The following PTBP3 variants were observed in gnomAD, a reference collection of about 807,000 sequenced individuals.
PTBP3 encodes polypyrimidine tract binding protein 3.
A neutral mutation model predicts 58.7 loss-of-function variants in PTBP3; 20 were observed. The observed-to-expected ratio is 0.34, with a 90% CI of 0.24 to 0.50. PTBP3 has a LOEUF of 0.50. Among genes scored for constraint, PTBP3 ranks in the 20% least tolerant of loss-of-function variants. The pLI is 0.98. For synonymous variants in PTBP3, 185 were observed against 219.8 expected, an observed-to-expected ratio of 0.84 and a Z score of 1.40; for missense variants, 509 against 637.2, an observed-to-expected ratio of 0.80 and a Z score of 2.17.
At chr9:112,300,708 C>T (rs984173044) in intron 1 of PTBP3, among the ~76,000 whole-genome samples, 2 of 151,950 alleles carry the variant, frequency 1.3e-5, no homozygotes, top group Non-Finnish European at 2.9e-5. Flanking sequence ...GCCGAGATCA[C>T]GCCACTGCAC....
At chr9:112,225,602 T>TA (rs1435851595) in intron 12 of PTBP3, among the ~76,000 whole-genome samples, 5 of 152,200 alleles carry the variant, frequency 3.3e-5, no homozygotes, top group Non-Finnish European at 7.3e-5. Flanking sequence ...ACAGTTTTTT[T>TA]AAAAAAGGTT....
chr9:112,220,283 G>C lies in PTBP3; in HGVS notation c.*3568C>G, dbSNP rs188130717. ...GCACGGAGACACTGAAAAGAACAGA[G>C]AGCCAGGCGTGGTGGCTCATGCCTG... On this transcript the variant is annotated 3_prime_UTR_variant, in exon 14 of 14. Transcript: ENST00000374257. 267 of 1,326,778 alleles carry C rather than the reference G, an allele frequency of 2.0e-4. 1 individual carries two copies. The African/African-American group carries it at 3.4e-3, about 17-fold the overall frequency. 82.2% of individuals were successfully genotyped at this position (1,326,778 alleles called of 1,614,324 possible). A position where few individuals can be genotyped will look rare whatever the true frequency, so the allele number is the denominator to read the frequency against.
upstream of PTBP3, among the ~76,000 whole-genome samples, chr9:112,336,598 A>G (rs976301462): frequency 2.6e-5 from 4 of 152,036 alleles, no homozygotes; most frequent in African/African-American, 7.2e-5. Context: ...CCTGGGCAAC[A>G]TGGTGAAACC....
chr9:112,304,353 A>C (rs1290337370), intron 1 of PTBP3, among the ~76,000 whole-genome samples: 1 of 152,168 alleles, frequency 6.6e-6, no homozygotes, highest in South Asian at 2.1e-4. Flanking sequence ...AAAAAAGGAA[A>C]AATTTTCACT....
the PTBP3 span, among the ~76,000 whole-genome samples, chr9:112,351,964 C>T: frequency 3.3e-3 from 496 of 148,932 alleles, no homozygotes; most frequent in African/African-American, 0.011. Context: ...TTTTTTTTTT[C>T]CCCCAAGACA....
At chr9:112,242,046 T>C (rs565338290) in intron 7 of PTBP3, among the ~76,000 whole-genome samples, 54 of 152,364 alleles carry the variant, frequency 3.5e-4, no homozygotes, top group South Asian at 4.1e-4. Flanking sequence ...AGAATACTTC[T>C]AGATTTTGGC....
upstream of PTBP3, among the ~76,000 whole-genome samples, chr9:112,335,431 G>GC (rs1195491559): frequency 6.6e-6 from 1 of 151,076 alleles, no homozygotes; most frequent in East Asian, 2.0e-4. Flanking sequence ...GATTACAGGC[G>GC]CCCGCCACCA....
intron 2 of PTBP3, among the ~76,000 whole-genome samples, chr9:112,290,786 G>C (rs557185954): frequency 2.7e-5 from 4 of 149,692 alleles, no homozygotes; most frequent in Non-Finnish European, 4.4e-5. Flanking sequence ...CATATTTCTG[G>C]TAAGAGTATA....
At chr9:112,265,262 G>C (rs1836751232) in intron 4 of PTBP3, among the ~76,000 whole-genome samples, 1 of 152,044 alleles carries the variant, frequency 6.6e-6, no homozygotes, top group Non-Finnish European at 1.5e-5. Flanking sequence ...TAGCACTTTG[G>C]GAGACAGAGG....
chr9:112,305,512 A>G (rs1232272202), intron 1 of PTBP3, among the ~76,000 whole-genome samples: 1 of 152,182 alleles, frequency 6.6e-6, no homozygotes, highest in Non-Finnish European at 1.5e-5. Flanking sequence ...CTCCTTGCCT[A>G]CTGCCACACA....
chr9:112,222,054 C>T lies in PTBP3; in HGVS notation c.*1797G>A. On this transcript the variant is annotated 3_prime_UTR_variant, in exon 14 of 14. Coordinates refer to ENST00000374257, the MANE Select transcript of PTBP3 (RefSeq NM_001163788.4). ...TGTAGCCTCCTGCCTACAGGCTCAG[C>T]CTGTAGCTGGGACTACAGGCGCACA... 1 of 965,374 alleles carries T rather than the reference C, an allele frequency of 1.0e-6. No homozygotes were observed. Among genetic ancestry groups the T allele is most frequent in the Non-Finnish European group, 1.2e-6 (1 of 811,398 alleles). The allele number at this position is 965,374 out of a possible 1,614,324, so 59.8% of individuals were successfully genotyped here.
intron 5 of PTBP3, among the ~76,000 whole-genome samples, chr9:112,260,181 T>A (rs945091308): frequency 6.6e-6 from 1 of 152,228 alleles, no homozygotes; most frequent in Middle Eastern, 3.2e-3. Flanking sequence ...AGTGTTGGGA[T>A]TACAGGCATG....
intron 4 of PTBP3, among the ~76,000 whole-genome samples, chr9:112,264,858 G>C (rs1275482933): frequency 6.6e-6 from 1 of 152,086 alleles, no homozygotes; most frequent in Non-Finnish European, 1.5e-5. Context: ...AATCTTTTAA[G>C]ATTTATTAAA....
At chr9:112,358,240 G>A in the PTBP3 span, among the ~76,000 whole-genome samples, 1 of 152,132 alleles carries the variant, frequency 6.6e-6, no homozygotes, top group Non-Finnish European at 1.5e-5. Flanking sequence ...AACGTGGGAG[G>A]CAGAGGTTGC....
chr9:112,327,578 G>T (rs1042083402), intron 1 of PTBP3, among the ~76,000 whole-genome samples: 2 of 151,852 alleles, frequency 1.3e-5, no homozygotes, highest in African/African-American at 4.8e-5. Context: ...AGTACATGAA[G>T]AAATAGAACA....
chr9:112,308,250 C>G (rs558961106), intron 1 of PTBP3, among the ~76,000 whole-genome samples: 5 of 151,728 alleles, frequency 3.3e-5, no homozygotes, highest in African/African-American at 1.2e-4. Flanking sequence ...TGGTCTCAAA[C>G]TCCTGGGCTC....
chr9:112,364,999 G>A, the PTBP3 span, among the ~76,000 whole-genome samples: 2 of 152,200 alleles, frequency 1.3e-5, no homozygotes, highest in East Asian at 1.9e-4. Flanking sequence ...CTGCTTCTAC[G>A]TGTTCAACAT....
chr9:112,354,915 TTC>T, the PTBP3 span, among the ~76,000 whole-genome samples: 1 of 152,216 alleles, frequency 6.6e-6, no homozygotes, highest in Non-Finnish European at 1.5e-5. Context: ...AGTCAAATGT[TTC>T]TCTTTCTCAG....
At chr9:112,379,125 G>GT in the PTBP3 span, among the ~76,000 whole-genome samples, 3 of 152,190 alleles carry the variant, frequency 2.0e-5, no homozygotes, top group Non-Finnish European at 2.9e-5. Context: ...GGAGGCGGAG[G>GT]TTACAATGAG....
Sources: allele counts gnomAD v4.1 joint callset (sites outside exome capture counted in the v4.1 genomes callset), GRCh38; gene constraint gnomAD v4.1.1; transcripts MANE v1.5; gene names NCBI Gene and HGNC (gene_info 2026-07-23, HGNC 2026-07-21).